DGKB: variants seen among roughly 807,000 people sequenced by gnomAD.
DGKB encodes the protein diacylglycerol kinase beta.
A neutral mutation model predicts 114.3 loss-of-function variants in DGKB; 67 were observed. The ratio of observed to expected loss-of-function variants is 0.59; its 90% confidence interval spans 0.48 to 0.72. DGKB has a LOEUF of 0.72. Ranked by LOEUF, DGKB falls within the 30% of genes least tolerant of loss-of-function variation. The probability of loss-of-function intolerance (pLI) is 0.00; values close to 1 mark genes in which losing one functional copy is unlikely to be tolerated. For synonymous variants in DGKB, 398 were observed against 323.1 expected, an observed-to-expected ratio of 1.23 and a Z score of -2.49; for missense variants, 907 against 975.2, an observed-to-expected ratio of 0.93 and a Z score of 0.93.
chr7:14,436,227 C>T (rs1482482277), intron 21 of DGKB, among the ~76,000 whole-genome samples: 1 of 152,064 alleles, frequency 6.6e-6, no homozygotes, highest in Non-Finnish European at 1.5e-5. Context: ...AAGTGTTATA[C>T]TACAGTAAAA....
At chr7:14,416,863 T>A (rs1825802267) in intron 21 of DGKB, among the ~76,000 whole-genome samples, 1 of 152,072 alleles carries the variant, frequency 6.6e-6, no homozygotes, top group African/African-American at 2.4e-5. Flanking sequence ...TACTCAACGC[T>A]CCCTTTGTCT....
In DGKB at chr7:14,890,630, CTGTGGGCATATTATCCTTTAAA is replaced by C. The variant is rs1231894891; in HGVS notation, c.-188+11940_-188+11961del. On this transcript the variant is annotated intron_variant, in intron 1 of 25. Coordinates refer to ENST00000402815, the MANE Select transcript of DGKB (RefSeq NM_001350709.2). The stretch of plus-strand genomic sequence containing the variant: ...TGAGAAAAACATCTTCTTTCTGTTA[CTGTGGGCATATTATCCTTTAAA>C]TGAGACTCCGAGAAAATGACATAGC... Among the ~76,000 whole-genome samples the C allele has an allele frequency of 3.3e-5, 5 of 151,274 alleles. No individual in the cohort carries two copies. In the Admixed American group the frequency reaches 3.3e-4, roughly 10 times the overall value.
chr7:14,325,028 G>C (rs1808477769), intron 23 of DGKB, among the ~76,000 whole-genome samples: 1 of 152,196 alleles, frequency 6.6e-6, no homozygotes, highest in African/African-American at 2.4e-5. Context: ...TTGCAGCATA[G>C]GTAGGGCCCA....
intron 21 of DGKB, among the ~76,000 whole-genome samples, chr7:14,351,829 CAT>C (rs1286622579): frequency 2.0e-5 from 3 of 152,160 alleles, no homozygotes; most frequent in South Asian, 2.1e-4. Flanking sequence ...AAATTCTACA[CAT>C]GTTATAGAAA....
At chr7:14,780,759 G>C (rs1390769906) in intron 2 of DGKB, among the ~76,000 whole-genome samples, 1 of 151,998 alleles carries the variant, frequency 6.6e-6, no homozygotes, top group East Asian at 1.9e-4. Context: ...TTTATATTTA[G>C]ATAATTAAGA....
intron 20 of DGKB, among the ~76,000 whole-genome samples, chr7:14,530,328 G>C (rs1053908657): frequency 6.6e-6 from 1 of 151,344 alleles, no homozygotes; most frequent in African/African-American, 2.4e-5. Flanking sequence ...CTGAGAAAAG[G>C]AGTTAATAAG....
intron 2 of DGKB, among the ~76,000 whole-genome samples, chr7:14,771,530 A>G (rs140668448): frequency 1.3e-3 from 204 of 152,214 alleles, no homozygotes; most frequent in African/African-American, 4.8e-3. Flanking sequence ...CAATGAGGAC[A>G]AAGCTCTGAT....
At chr7:14,580,278 G>A (rs1799732837) in intron 19 of DGKB, among the ~76,000 whole-genome samples, 1 of 152,106 alleles carries the variant, frequency 6.6e-6, no homozygotes, top group African/African-American at 2.4e-5. Context: ...TATCCTCAGT[G>A]AGGTCTTTCC....
intron 23 of DGKB, among the ~76,000 whole-genome samples, chr7:14,232,728 C>G (rs1449647070): frequency 6.6e-6 from 1 of 151,822 alleles, no homozygotes; most frequent in Non-Finnish European, 1.5e-5. Flanking sequence ...AATTAGAAAA[C>G]AATATTTAGT....
intron 17 of DGKB, among the ~76,000 whole-genome samples, chr7:14,601,817 T>C (rs1326248042): frequency 6.6e-6 from 1 of 152,220 alleles, no homozygotes; most frequent in African/African-American, 2.4e-5. Flanking sequence ...CATTTTCGTA[T>C]GAAACCTCAT....
rs769743826 is a variant in DGKB at position 14,149,258 on chromosome 7, G to C, written c.2305-20C>G. The C allele has an allele frequency of 6.4e-7, 1 of 1,567,656 alleles. No individual in the cohort carries two copies. Among genetic ancestry groups the C allele is most frequent in the Middle Eastern group, 1.7e-4 (1 of 5,938 alleles). ...TTTTATCTAGAAAAAAAGAGAGAGA[G>C]AGAGAGAGAAAGAATAGAGTAATCT... is the stretch of plus-strand genomic sequence containing the variant. On this transcript the variant is annotated intron_variant, in intron 25 of 25. Transcript: ENST00000402815.
At chr7:14,736,231 C>T in intron 4 of DGKB, 37 bp from the exon 5 acceptor site, 1 of 1,332,000 alleles carries the variant, frequency 7.5e-7, no homozygotes, top group Non-Finnish European at 1.0e-6. Flanking sequence ...TTTTAAGATC[C>T]AACCAAATGT....
At chr7:14,345,504 A>T (rs1030178813) in intron 21 of DGKB, 113 bp from the exon 22 acceptor site, 9 of 581,296 alleles carry the variant, frequency 1.5e-5, no homozygotes, top group Middle Eastern at 4.0e-4. Context: ...AGGACATGTG[A>T]CATCTAAAAT....
At chr7:14,174,512 A>T (rs1211758510) in intron 25 of DGKB, among the ~76,000 whole-genome samples, 1 of 152,182 alleles carries the variant, frequency 6.6e-6, no homozygotes, top group Non-Finnish European at 1.5e-5. Flanking sequence ...CCAAAATAAT[A>T]CAAAGAGTAT....
In DGKB at chr7:14,854,195, G is replaced by C. The variant is rs11972483; in HGVS notation, c.-187-12745C>G. 2.0e-3 allele frequency among the ~76,000 whole-genome samples: 306 copies of C among 152,248 alleles called. 2 individuals carry two copies. The highest frequency in any genetic ancestry group is 6.6e-3 in the African/African-American group (276 of 41,540). The stretch of plus-strand genomic sequence containing the variant: ...TTAGCCATACACTCTGAACTGATTA[G>C]CATGTGACATTTCAGTAAGGTAACT... On this transcript the variant is annotated intron_variant, in intron 1 of 25. Coordinates refer to ENST00000402815, the MANE Select transcript of DGKB (RefSeq NM_001350709.2).
At chr7:14,322,450 T>G (rs1250673734) in intron 23 of DGKB, among the ~76,000 whole-genome samples, 1 of 152,158 alleles carries the variant, frequency 6.6e-6, no homozygotes, top group Non-Finnish European at 1.5e-5. Context: ...AAAAAAGAAA[T>G]TATTCTTGAT....
chr7:14,374,771 G>A, intron 21 of DGKB, among the ~76,000 whole-genome samples: 1 of 152,050 alleles, frequency 6.6e-6, no homozygotes, highest in South Asian at 2.1e-4. Flanking sequence ...TTGTTATAAG[G>A]CACTGTCCTG....
At position 14,855,709 on chromosome 7, in the gene DGKB, T is replaced by A. The variant is rs75639118; in HGVS notation, c.-187-14259A>T. ...CATAATGTTTTTGGAAAGCCCAGAT[T>A]CTTTTCATATTTAATTTCTTGTCCT... On this transcript the variant is annotated intron_variant, in intron 1 of 25. Transcript: ENST00000402815. Among the ~76,000 whole-genome samples the A allele has an allele frequency of 1.6e-4, 25 of 152,288 alleles. No individual in the cohort carries two copies. In the East Asian group the frequency reaches 3.1e-3, roughly 19 times the overall value.
At chr7:14,784,213 C>A (rs1839532085) in intron 2 of DGKB, among the ~76,000 whole-genome samples, 1 of 151,714 alleles carries the variant, frequency 6.6e-6, no homozygotes. Context: ...TGTTCTTTTA[C>A]TTTACTGCTC....
Sources: allele counts gnomAD v4.1 joint callset (sites outside exome capture counted in the v4.1 genomes callset), GRCh38; gene constraint gnomAD v4.1.1; transcripts MANE v1.5; gene names NCBI Gene and HGNC (gene_info 2026-07-23, HGNC 2026-07-21).